SCML4: variants seen among roughly 807,000 people sequenced by gnomAD.
The protein encoded by SCML4 is sex comb on midleg-like protein 4.
SCML4 carries 34 observed loss-of-function variants against 41.1 expected under a neutral mutation model. The ratio of observed to expected loss-of-function variants is 0.83; its 90% CI spans 0.63 to 1.10. SCML4 has a LOEUF of 1.10. Ranked by LOEUF, SCML4 falls within the 50% of genes least tolerant of loss-of-function variation. SCML4 has a pLI of 0.00. For synonymous variants in SCML4, 214 were observed against 220.9 expected (o/e 0.97, Z 0.28); for missense variants, 522 against 534.1 (o/e 0.98, Z 0.22).
chr6:107,735,306 T>C (rs17055011), intron 5 of SCML4, among the ~76,000 whole-genome samples: 6,903 of 152,308 alleles, frequency 0.045, 304 homozygotes, highest in East Asian at 0.13. Context: ...CATTTGTCCA[T>C]GTGGCCCTTG....
chr6:107,733,055 G>A (rs1776717489), intron 5 of SCML4, among the ~76,000 whole-genome samples: 1 of 152,172 alleles, frequency 6.6e-6, no homozygotes, highest in Non-Finnish European at 1.5e-5. Context: ...ACTCAGTCCT[G>A]CTGACAACCA....
Position 107,720,433 on chromosome 6 carries a change from A to G in SCML4, c.973+270T>C. ...ATTCACCTTTGGCTCTCGAACAAAA[A>G]TTTCTATGGTATTTGAGCCTGTGTA... is the stretch of plus-strand genomic sequence containing the variant. On this transcript the variant is annotated intron_variant, in intron 6 of 7. Coordinates refer to ENST00000369020, the MANE Select transcript of SCML4 (RefSeq NM_198081.5). 2.7e-6 allele frequency: 3 copies of G among 1,131,792 alleles called. No individual in the cohort carries two copies. The South Asian group carries it at 1.2e-4, about 47-fold the overall frequency. 70.1% of individuals were successfully genotyped at this position (1,131,792 alleles called of 1,614,324 possible). A position where few individuals can be genotyped will look rare whatever the true frequency, so the allele number is the denominator to read the frequency against.
intron 1 of SCML4, among the ~76,000 whole-genome samples, chr6:107,823,498 T>A (rs993294490): frequency 1.3e-5 from 2 of 152,082 alleles, no homozygotes; most frequent in African/African-American, 4.8e-5. Flanking sequence ...AGTCACCAGT[T>A]TTTTTCCCAA....
At chr6:107,735,539 C>T (rs1481465631) in intron 5 of SCML4, among the ~76,000 whole-genome samples, 1 of 152,112 alleles carries the variant, frequency 6.6e-6, no homozygotes, top group African/African-American at 2.4e-5. Context: ...TGGCTCACTC[C>T]TGTAATCCCA....
intron 5 of SCML4, among the ~76,000 whole-genome samples, chr6:107,732,777 C>T (rs1182880177): frequency 1.3e-5 from 2 of 152,154 alleles, no homozygotes; most frequent in African/African-American, 4.8e-5. Flanking sequence ...GTGGGACATC[C>T]TGTGGTCACG....
At chr6:107,735,016 C>G (rs1052805098) in intron 5 of SCML4, among the ~76,000 whole-genome samples, 1 of 152,120 alleles carries the variant, frequency 6.6e-6, no homozygotes, top group Non-Finnish European at 1.5e-5. Context: ...ACTGTGATTA[C>G]AGGCATCCAC....
At chr6:107,779,129 A>G (rs1031409572) in intron 1 of SCML4, among the ~76,000 whole-genome samples, 6 of 152,014 alleles carry the variant, frequency 3.9e-5, no homozygotes, top group Admixed American at 1.3e-4. Flanking sequence ...GCAGTGAGAC[A>G]AGATCGCGCC....
intron 1 of SCML4, among the ~76,000 whole-genome samples, chr6:107,789,957 C>A (rs765616194): frequency 6.6e-6 from 1 of 152,174 alleles, no homozygotes. Flanking sequence ...AATATTATTA[C>A]GTACTCCCAC....
rs1278192889 is a variant in SCML4 at position 107,746,676 on chromosome 6, C to T, written c.487+13G>A. The T allele has an allele frequency of 6.2e-7, 1 of 1,611,878 alleles. No individual in the cohort carries two copies. Among genetic ancestry groups the T allele is most frequent in the African/African-American group, 1.3e-5 (1 of 75,020 alleles). On this transcript the variant is annotated intron_variant, in intron 4 of 7. Coordinates refer to ENST00000369020, the MANE Select transcript of SCML4 (RefSeq NM_198081.5). ...ATCCATGGCCTCCTCATGCAACCTG[C>T]CCCAGGCCTTACCTGACACCATCTC...
At chr6:107,835,403 T>C in the SCML4 span, among the ~76,000 whole-genome samples, 1 of 150,506 alleles carries the variant, frequency 6.6e-6, no homozygotes, top group Non-Finnish European at 1.5e-5. Flanking sequence ...ATGAAAAAAA[T>C]AAAAAGGACA....
At chr6:107,730,359 T>C (rs1776419492) in intron 5 of SCML4, among the ~76,000 whole-genome samples, 1 of 152,150 alleles carries the variant, frequency 6.6e-6, no homozygotes, top group Non-Finnish European at 1.5e-5. Flanking sequence ...CCTGTGTCCA[T>C]ACAAAATCGT....
intron 2 of SCML4, chr6:107,755,607 G>T (rs367610632): frequency 7.4e-7 from 1 of 1,344,078 alleles, no homozygotes; most frequent in South Asian, 1.2e-5. Context: ...TCTGCCTGTC[G>T]CAACCTATCC....
chr6:107,742,872 C>A (rs1380530637), intron 5 of SCML4, among the ~76,000 whole-genome samples: 1 of 152,024 alleles, frequency 6.6e-6, no homozygotes, highest in Non-Finnish European at 1.5e-5. Flanking sequence ...CGTACACAGA[C>A]AAACCCACAA....
intron 1 of SCML4, among the ~76,000 whole-genome samples, chr6:107,804,204 GT>G (rs1474658935): frequency 6.6e-6 from 1 of 151,950 alleles, no homozygotes; most frequent in Non-Finnish European, 1.5e-5. Context: ...GCACAGCTTT[GT>G]GAATTCTGTA....
chr6:107,746,955 T>G (rs965685934), intron 3 of SCML4, 66 bp from the exon 4 acceptor site: 1 of 1,377,628 alleles, frequency 7.3e-7, no homozygotes, highest in Non-Finnish European at 1.0e-6. Flanking sequence ...GCGGCCTCTG[T>G]GTACACGGGG....
At chr6:107,838,769 A>G in the SCML4 span, among the ~76,000 whole-genome samples, 3 of 152,240 alleles carry the variant, frequency 2.0e-5, no homozygotes, top group Admixed American at 6.5e-5. Context: ...TTAGAAAACC[A>G]AACAACAAGA....
At chr6:107,802,278 G>C (rs1456951574) in intron 1 of SCML4, among the ~76,000 whole-genome samples, 1 of 152,180 alleles carries the variant, frequency 6.6e-6, no homozygotes, top group African/African-American at 2.4e-5. Context: ...AAGGGGGATA[G>C]AGCATGATGG....
the SCML4 span, among the ~76,000 whole-genome samples, chr6:107,836,424 T>G: frequency 6.6e-6 from 1 of 152,000 alleles, no homozygotes; most frequent in Non-Finnish European, 1.5e-5. Context: ...AAACTAAACC[T>G]TAGGTGCCAT....
upstream of SCML4, among the ~76,000 whole-genome samples, chr6:107,824,997 G>T (rs1346426588): frequency 6.6e-6 from 1 of 152,134 alleles, no homozygotes; most frequent in Non-Finnish European, 1.5e-5. Context: ...CTCCAGGCCT[G>T]TATGTGTGTG....
Sources: allele counts gnomAD v4.1 joint callset (sites outside exome capture counted in the v4.1 genomes callset), GRCh38; gene constraint gnomAD v4.1.1; transcripts MANE v1.5; gene names NCBI Gene and HGNC (gene_info 2026-07-23, HGNC 2026-07-21).